The following GGA2 variants were observed in gnomAD, a reference collection of about 807,000 sequenced individuals.
GGA2 encodes the protein ADP-ribosylation factor-binding protein GGA2.
A neutral mutation model predicts 79.5 loss-of-function variants in GGA2; 48 were observed. The ratio of observed to expected loss-of-function variants is 0.60; its 90% CI spans 0.48 to 0.77. The LOEUF is 0.77. Ranked by LOEUF, GGA2 falls within the 30% of genes least tolerant of loss-of-function variation. The pLI is 0.00. For missense variants in GGA2, 770 were observed against 774.0 expected (o/e 0.99, Z 0.06); for synonymous variants, 317 against 302.0 (o/e 1.05, Z -0.51).
At chr16:23,483,814 A>ATACTGTAT (rs1964679287) in intron 8 of GGA2, among the ~76,000 whole-genome samples, 1 of 150,912 alleles carries the variant, frequency 6.6e-6, no homozygotes, top group African/African-American at 2.4e-5. Context: ...CGCCCGGCTG[A>ATACTGTAT]TACTGTATTT....
intron 14 of GGA2, among the ~76,000 whole-genome samples, chr16:23,471,979 T>C (rs558674303): frequency 6.6e-6 from 1 of 152,046 alleles, no homozygotes; most frequent in South Asian, 2.1e-4. Context: ...AGACTGAAAA[T>C]ACCAGTGGGG....
At chr16:23,501,930 G>A (rs114861239) in intron 1 of GGA2, among the ~76,000 whole-genome samples, 2,020 of 152,206 alleles carry the variant, frequency 0.013, 49 homozygotes, top group African/African-American at 0.046. Context: ...ACAACTCTTG[G>A]GGAGAAGGAG....
chr16:23,505,333 G>T (rs1270206155), intron 1 of GGA2, among the ~76,000 whole-genome samples: 1 of 152,166 alleles, frequency 6.6e-6, no homozygotes, highest in African/African-American at 2.4e-5. Flanking sequence ...CAAGAGGACT[G>T]AGTGCTGTTT....
upstream of GGA2, among the ~76,000 whole-genome samples, chr16:23,510,827 C>A (rs1298749081): frequency 6.6e-6 from 1 of 151,826 alleles, no homozygotes. Context: ...CCGCTTCAGT[C>A]TCCGGAGGAG....
upstream of GGA2, among the ~76,000 whole-genome samples, chr16:23,510,986 G>A (rs1168641113): frequency 1.6e-5 from 2 of 121,376 alleles, no homozygotes; most frequent in South Asian, 2.8e-4. Context: ...GGGTGGTCTC[G>A]AACTCCTGGT....
chr16:23,479,111 T>C (rs1964614967), intron 11 of GGA2, 200 bp from the exon 12 acceptor site: 2 of 595,826 alleles, frequency 3.4e-6, no homozygotes, highest in African/African-American at 3.7e-5. Flanking sequence ...GAACACCTGA[T>C]TCCCTTGGCA....
At chr16:23,493,736 T>G (rs540990915) in intron 3 of GGA2, 12 of 392,470 alleles carry the variant, frequency 3.1e-5, no homozygotes, top group African/African-American at 2.3e-4. Flanking sequence ...AGGAGACCCT[T>G]TGAGAGGAGA....
At chr16:23,490,481 T>C (rs1685205972) in intron 5 of GGA2, among the ~76,000 whole-genome samples, 1 of 152,018 alleles carries the variant, frequency 6.6e-6, no homozygotes, top group African/African-American at 2.4e-5. Context: ...ACGCCTGTAA[T>C]TCCAGCACTT....
intron 4 of GGA2, among the ~76,000 whole-genome samples, chr16:23,493,051 G>A (rs548668597): frequency 3.9e-5 from 6 of 152,258 alleles, no homozygotes; most frequent in African/African-American, 9.6e-5. Context: ...AAACTTTCAC[G>A]CCACCCCTGG....
Position 23,510,403 on chromosome 16 carries a change from C to G in GGA2, c.9G>C (p.Ala3=). The G allele has an allele frequency of 7.3e-7, 1 of 1,363,814 alleles. No homozygotes were observed. The highest frequency in any genetic ancestry group is 9.6e-7 in the Non-Finnish European group (1 of 1,046,882). 84.5% of individuals were successfully genotyped at this position (1,363,814 alleles called of 1,614,324 possible). A position where few individuals can be genotyped will look rare whatever the true frequency, so the allele number is the denominator to read the frequency against. The part of the protein sequence containing the change: MA[A]TAVAAAVAGT... ...CCGCCACAGCCGCCGCCACCGCGGT[C>G]GCCGCCATCGCTCCAGCCCCGACGC... Residue 3 remains alanine, a synonymous_variant, in exon 1 of 17, where the codon GCG becomes GCC. Coordinates refer to ENST00000309859, the MANE Select transcript of GGA2 (RefSeq NM_015044.4).
intron 14 of GGA2, among the ~76,000 whole-genome samples, 181 bp downstream of exon 14, chr16:23,474,722 GA>G (rs1285832963): frequency 6.6e-6 from 1 of 152,044 alleles, no homozygotes; most frequent in Non-Finnish European, 1.5e-5. Flanking sequence ...AAAGTGCTGG[GA>G]TTACAGGCGT....
intron 13 of GGA2, among the ~76,000 whole-genome samples, chr16:23,476,913 A>C (rs148325586): frequency 6.6e-6 from 1 of 152,320 alleles, no homozygotes; most frequent in East Asian, 1.9e-4. Flanking sequence ...GTATTTTCCT[A>C]CGACTTAGGA....
intron 1 of GGA2, among the ~76,000 whole-genome samples, chr16:23,520,468 G>A (rs1044867092): frequency 6.6e-5 from 10 of 151,878 alleles, no homozygotes; most frequent in Admixed American, 5.9e-4. Flanking sequence ...ATGGGCTTGA[G>A]GTTATTTAAA....
At chr16:23,482,353 A>T (rs569380350) in intron 9 of GGA2, among the ~76,000 whole-genome samples, 190 of 152,346 alleles carry the variant, frequency 1.2e-3, no homozygotes, top group Non-Finnish European at 2.4e-3. Context: ...CAGATGAAGT[A>T]AGATTAAAAA....
chr16:23,465,031 A>C lies in GGA2; in HGVS notation c.*2559T>G, dbSNP rs997074232. The C allele has an allele frequency of 9.1e-6, 4 of 439,104 alleles. No individual in the cohort carries two copies. Among genetic ancestry groups the C allele is most frequent in the Non-Finnish European group, 1.6e-5 (4 of 243,036 alleles). The allele number at this position is 439,104 out of a possible 1,614,324, so 27.2% of individuals were successfully genotyped here. On this transcript the variant is annotated 3_prime_UTR_variant, in exon 17 of 17. Coordinates refer to ENST00000309859, the MANE Select transcript of GGA2 (RefSeq NM_015044.4). ...CAACAGGACCCCCGAAGAGTTCAAG[A>C]TACTGGAAAGCACTGGCCATGAGTG... is the stretch of plus-strand genomic sequence containing the variant.
intron 14 of GGA2, among the ~76,000 whole-genome samples, chr16:23,472,768 C>T (rs1349613297): frequency 2.0e-5 from 3 of 151,734 alleles, no homozygotes; most frequent in African/African-American, 7.3e-5. Context: ...GGCGCAGTGG[C>T]TCACGCCTGT....
Position 23,464,983 on chromosome 16 carries a change from C to A in GGA2, c.*2607G>T. ...AGAGACAGAGGAAAAAGAGCAGTCA[C>A]GGAGGTAGGTCACGAAATGGGTCAA... On this transcript the variant is annotated 3_prime_UTR_variant, in exon 17 of 17. Coordinates refer to ENST00000309859, the MANE Select transcript of GGA2 (RefSeq NM_015044.4). 3.6e-6 allele frequency: 1 copy of A among 274,662 alleles called. No individual in the cohort carries two copies. The highest frequency in any genetic ancestry group is 5.8e-5 in the South Asian group (1 of 17,274). 17.0% of individuals were successfully genotyped at this position (274,662 alleles called of 1,614,324 possible).
rs756826676 is a variant in GGA2, at chr16:23,470,214, C to T, written c.1451-49G>A. 2.2e-5 allele frequency: 31 copies of T among 1,415,718 alleles called. No individual in the cohort carries two copies. In the East Asian group the frequency reaches 4.1e-4, roughly 19 times the overall value. The allele number at this position is 1,415,718 out of a possible 1,614,324, so 87.7% of individuals were successfully genotyped here. ...AGGTTTAACACCACTACAAACCCCCCGGACAGCCAGGCTGGAAAGAGATGT... is the reference window on the plus strand; with the variant it reads ...AGGTTTAACACCACTACAAACCCCCTGGACAGCCAGGCTGGAAAGAGATGT... On this transcript the variant is annotated intron_variant, in intron 14 of 16. Coordinates refer to ENST00000309859, the MANE Select transcript of GGA2 (RefSeq NM_015044.4).
upstream of GGA2, among the ~76,000 whole-genome samples, chr16:23,512,700 C>CT (rs34027000): frequency 0.018 from 1,016 of 55,962 alleles, 88 homozygotes; most frequent in Non-Finnish European, 0.022. Context: ...TAAAGAAAAT[C>CT]TTTTTTTTTT....
Sources: allele counts gnomAD v4.1 joint callset (sites outside exome capture counted in the v4.1 genomes callset), GRCh38; gene constraint gnomAD v4.1.1; transcripts MANE v1.5; gene names NCBI Gene and HGNC (gene_info 2026-07-23, HGNC 2026-07-21).